Variants in MAST4 observed in about 807,000 individuals in gnomAD.
MAST4 encodes the protein microtubule associated serine/threonine kinase family member 4.
A neutral mutation model predicts 162.7 loss-of-function variants in MAST4; 89 were observed. The ratio of observed to expected loss-of-function variants is 0.55; its 90% confidence interval spans 0.46 to 0.65. The LOEUF is 0.65. Ranked by LOEUF, MAST4 falls within the 30% of genes least tolerant of loss-of-function variation. The pLI is 0.00. For synonymous variants in MAST4, 1,479 were observed against 1,361.1 expected, an observed-to-expected ratio of 1.09 and a Z score of -1.91; for missense variants, 3,153 against 3,374.0, an observed-to-expected ratio of 0.93 and a Z score of 1.62.
At chr5:66,870,109 G>A (rs1342769393) in intron 3 of MAST4, among the ~76,000 whole-genome samples, 2 of 152,188 alleles carry the variant, frequency 1.3e-5, no homozygotes, top group African/African-American at 4.8e-5. Context: ...TGTCCAATAT[G>A]TATATGAGGG....
chr5:67,031,377 G>C (rs1755297904), intron 4 of MAST4, among the ~76,000 whole-genome samples: 1 of 152,096 alleles, frequency 6.6e-6, no homozygotes, highest in Admixed American at 6.6e-5. Context: ...GTTCTGTCTA[G>C]GGACTGAGGG....
intron 21 of MAST4, 42 bp from the exon 22 acceptor site, chr5:67,144,626 CT>C: frequency 6.3e-7 from 1 of 1,598,604 alleles, no homozygotes; most frequent in Non-Finnish European, 8.5e-7. Flanking sequence ...CTGACAAACT[CT>C]TTTTAGTAGA....
In MAST4 at chr5:67,110,156, T is replaced by A; in HGVS notation, c.1415T>A (p.Ile472Asn). ...TTTATTAAACAACTAGTTCGAAAGA[T>A]CCTAATTGTTATTGCCCGCCCTGCT... is the stretch of plus-strand genomic sequence containing the variant. ...LAFIKQLVRK[I>N]LIVIARPARL... The change falls in exon 11 of 29, where the codon ATC (isoleucine) becomes AAC (asparagine). Residue 472 changes from isoleucine (I) to asparagine (N), a missense_variant. Physicochemically the swap from Ile to Asn is moderately radical, Grantham distance 149. Coordinates refer to ENST00000403625, the MANE Select transcript of MAST4 (RefSeq NM_001164664.2). 1 of 1,613,794 alleles carries A rather than the reference T, an allele frequency of 6.2e-7. No individual in the cohort carries two copies. Among genetic ancestry groups the A allele is most frequent in the Non-Finnish European group, 8.5e-7 (1 of 1,179,734 alleles).
Position 67,164,261 on chromosome 5 carries a change from A to T in MAST4, c.5082A>T (p.Ser1694=). ...ANIDYLRKKM[S]LEDKEDNLCP... ...TCGATTACCTCCGAAAGAAAATGTCACTTGAGGACAAAGAGGACAACCTCT... is the reference window on the plus strand; with the variant it reads ...TCGATTACCTCCGAAAGAAAATGTCTCTTGAGGACAAAGAGGACAACCTCT... Residue 1694 remains serine (S), a synonymous_variant, in exon 29 of 29, where the codon TCA becomes TCT. Coordinates refer to ENST00000403625, the MANE Select transcript of MAST4 (RefSeq NM_001164664.2). The surrounding 1 kb of genome is among the most constrained non-coding windows in gnomAD (Gnocchi z 5.3). 1.2e-6 allele frequency: 2 copies of T among 1,614,038 alleles called. No individual in the cohort carries two copies. The highest frequency in any genetic ancestry group is 1.7e-6 in the Non-Finnish European group (2 of 1,179,880).
rs146037676 is a variant in MAST4, at chr5:67,115,757, C to T, written c.1591+1538C>T. 5.7e-4 allele frequency among the ~76,000 whole-genome samples: 87 copies of T among 152,328 alleles called. 2 individuals carry two copies. The East Asian group carries it at 0.011, about 20-fold the overall frequency. On this transcript the variant is annotated intron_variant, in intron 12 of 28. Coordinates refer to ENST00000403625, the MANE Select transcript of MAST4 (RefSeq NM_001164664.2). ...TACAAAATGATGCCTTAGCTTCCTG[C>T]TTCAAAAGCTGACTCTTGGTTCCAT...
At chr5:67,028,476 C>A (rs1314892482) in intron 4 of MAST4, among the ~76,000 whole-genome samples, 4 of 152,030 alleles carry the variant, frequency 2.6e-5, no homozygotes, top group Non-Finnish European at 5.9e-5. Flanking sequence ...ATTCCAGGAT[C>A]TGAGTTAGAG....
chr5:67,030,068 G>A (rs1000657400), intron 4 of MAST4, among the ~76,000 whole-genome samples: 9 of 151,924 alleles, frequency 5.9e-5, no homozygotes, highest in African/African-American at 2.2e-4. Context: ...ATGATTCCTT[G>A]TTAAGTGTTA....
At chr5:66,745,648 AT>A (rs1460455202) in intron 1 of MAST4, among the ~76,000 whole-genome samples, 2 of 152,138 alleles carry the variant, frequency 1.3e-5, no homozygotes, top group African/African-American at 4.8e-5. Context: ...AAGGAAAATA[AT>A]TTATTAGGTG....
chr5:67,026,949 T>A (rs1295466812), intron 4 of MAST4, among the ~76,000 whole-genome samples: 1 of 152,184 alleles, frequency 6.6e-6, no homozygotes, highest in Admixed American at 6.6e-5. Context: ...ATTAGCCAGT[T>A]ACCTTTATTT....
At chr5:67,111,784 C>T (rs953262513) in intron 11 of MAST4, among the ~76,000 whole-genome samples, 7 of 152,154 alleles carry the variant, frequency 4.6e-5, no homozygotes, top group African/African-American at 1.2e-4. Flanking sequence ...TTACAGTAAT[C>T]ACTCATAATC....
At chr5:67,060,102 A>G (rs1056144065) in intron 5 of MAST4, among the ~76,000 whole-genome samples, 1 of 152,192 alleles carries the variant, frequency 6.6e-6, no homozygotes, top group Non-Finnish European at 1.5e-5. Flanking sequence ...TACATTTTTT[A>G]AACAGAATAT....
intron 5 of MAST4, among the ~76,000 whole-genome samples, chr5:67,056,014 ATATG>A (rs1758766574): frequency 6.7e-6 from 1 of 149,452 alleles, no homozygotes; most frequent in South Asian, 2.1e-4. Flanking sequence ...ATATATATAT[ATATG>A]TACATGATAT....
At chr5:67,113,173 G>T (rs1450036671) in intron 11 of MAST4, among the ~76,000 whole-genome samples, 4 of 151,966 alleles carry the variant, frequency 2.6e-5, no homozygotes, top group African/African-American at 9.7e-5. Context: ...AATTAGCCGG[G>T]CGTGGTGGTG....
Position 67,152,918 on chromosome 5 carries a change from A to G in MAST4, c.3525+52A>G, listed in dbSNP as rs559602765. ...GATTTTTCATTTCCAGCCAAGCTGG[A>G]GAGTGGATAGGTTGGCTGATAAATA... On this transcript the variant is annotated intron_variant, in intron 25 of 28. Coordinates refer to ENST00000403625, the MANE Select transcript of MAST4 (RefSeq NM_001164664.2). The G allele has an allele frequency of 2.6e-4, 385 of 1,453,340 alleles. 1 individual carries two copies. In the East Asian group the frequency reaches 8.7e-3, roughly 33 times the overall value. 90.0% of individuals were successfully genotyped at this position (1,453,340 alleles called of 1,614,324 possible). A position where few individuals can be genotyped will look rare whatever the true frequency, so the allele number is the denominator to read the frequency against.
intron 4 of MAST4, among the ~76,000 whole-genome samples, chr5:67,032,306 G>A (rs762145315): frequency 2.9e-4 from 44 of 152,158 alleles, no homozygotes; most frequent in Non-Finnish European, 4.9e-4. Context: ...AGAAGGGGGA[G>A]ATTTAAGAAA....
In MAST4 at chr5:66,607,778, G is replaced by A. The variant is rs116713090; in HGVS notation, c.363+10760G>A. On this transcript the variant is annotated intron_variant, in intron 1 of 28. Coordinates refer to ENST00000403625, the MANE Select transcript of MAST4 (RefSeq NM_001164664.2). ...CTTCTTAGCTACAGTTTTTTTATTT[G>A]CCTCTTATTACAAAATATTACCTTT... 3.9e-3 allele frequency among the ~76,000 whole-genome samples: 590 copies of A among 152,086 alleles called. 3 individuals are homozygous for A. The highest frequency in any genetic ancestry group is 6.5e-3 in the Non-Finnish European group (439 of 67,968).
intron 3 of MAST4, chr5:66,789,609 G>T (rs1009764791): frequency 1.3e-5 from 5 of 396,706 alleles, no homozygotes; most frequent in African/African-American, 8.3e-5. Flanking sequence ...GCAAGAATAC[G>T]ACACTGGTGA....
rs777340495 is a variant in MAST4, at chr5:67,094,132, C to T, written c.834-1465C>T. On this transcript the variant is annotated intron_variant, in intron 6 of 28. Transcript: ENST00000403625. ...CTTCTTTTTTTTAACATACTTGATT[C>T]ATTTGTACTCCAATCATGGTACAGA... The T allele has an allele frequency of 9.6e-6, 14 of 1,452,226 alleles. No homozygotes were observed. In the South Asian group the frequency reaches 1.9e-4, roughly 20 times the overall value. 90.0% of individuals were successfully genotyped at this position (1,452,226 alleles called of 1,614,324 possible). A position where few individuals can be genotyped will look rare whatever the true frequency, so the allele number is the denominator to read the frequency against.
intron 5 of MAST4, among the ~76,000 whole-genome samples, chr5:67,080,609 T>A (rs1290961499): frequency 5.3e-5 from 8 of 152,172 alleles, no homozygotes; most frequent in Admixed American, 5.2e-4. Context: ...CTATTATGTA[T>A]AAAGGCAAAT....
Sources: allele counts gnomAD v4.1 joint callset (sites outside exome capture counted in the v4.1 genomes callset), GRCh38; gene constraint gnomAD v4.1.1; non-coding constraint Gnocchi (gnomAD v3.1); transcripts MANE v1.5; gene names NCBI Gene and HGNC (gene_info 2026-07-23, HGNC 2026-07-21).